ZBBX: variants seen among roughly 807,000 people sequenced by gnomAD.
The protein encoded by ZBBX is zinc finger B-box domain containing.
Under a neutral mutation model 108.5 loss-of-function variants are expected in ZBBX, and 101 were observed. The observed-to-expected ratio is 0.93, with a 90% CI of 0.79 to 1.10. The LOEUF (loss-of-function observed/expected upper bound fraction) is 1.10. Ranked by LOEUF, ZBBX falls within the 50% of genes least tolerant of loss-of-function variation. The probability of loss-of-function intolerance (pLI) is 0.00; values close to 1 mark genes in which losing one functional copy is unlikely to be tolerated. For missense variants in ZBBX, 1,009 were observed against 941.4 expected (o/e 1.07, Z -0.94); for synonymous variants, 356 against 323.4 (o/e 1.10, Z -1.08).
At chr3:167,314,267 C>T in intron 15 of ZBBX, 151 bp from the exon 16 acceptor site, 1 of 584,356 alleles carries the variant, frequency 1.7e-6, no homozygotes, top group Non-Finnish European at 2.7e-6. Context: ...CTTATGTGAA[C>T]ACATTCTCAA....
At chr3:167,388,232 C>T (rs775975735) in intron 1 of ZBBX, among the ~76,000 whole-genome samples, 27 of 151,690 alleles carry the variant, frequency 1.8e-4, no homozygotes, top group Non-Finnish European at 3.4e-4. Context: ...AGAGGAACAT[C>T]AATATCCTAG....
chr3:167,339,994 G>A (rs1278568051), intron 9 of ZBBX, among the ~76,000 whole-genome samples: 1 of 151,904 alleles, frequency 6.6e-6, no homozygotes, highest in African/African-American at 2.4e-5. Context: ...ACCGTGTTGT[G>A]GCAGCAACAC....
At chr3:167,363,760 GCAA>G (rs756649987) in intron 6 of ZBBX, among the ~76,000 whole-genome samples, 11 of 152,060 alleles carry the variant, frequency 7.2e-5, no homozygotes, top group Non-Finnish European at 1.2e-4. Context: ...CATGCTGGCT[GCAA>G]CAATAGTCTT....
At chr3:167,247,569 C>A (rs1057181340) in intron 20 of ZBBX, among the ~76,000 whole-genome samples, 1 of 152,196 alleles carries the variant, frequency 6.6e-6, no homozygotes, top group African/African-American at 2.4e-5. Context: ...CTGGTTAACA[C>A]AAGCCACCTA....
At chr3:167,266,088 G>A (rs145626786) in intron 20 of ZBBX, among the ~76,000 whole-genome samples, 37 of 152,274 alleles carry the variant, frequency 2.4e-4, no homozygotes, top group Non-Finnish European at 4.3e-4. Context: ...TTCCTGCCAC[G>A]GTGCTTTCCT....
upstream of ZBBX, among the ~76,000 whole-genome samples, chr3:167,382,734 C>G (rs1448819398): frequency 2.6e-5 from 4 of 151,868 alleles, no homozygotes; most frequent in Non-Finnish European, 1.5e-5. Context: ...ACATGATTTT[C>G]TAAAAAAAAG....
At chr3:167,201,499 G>A in the ZBBX span, among the ~76,000 whole-genome samples, 1 of 152,140 alleles carries the variant, frequency 6.6e-6, no homozygotes, top group African/African-American at 2.4e-5. Context: ...CCCCATTACT[G>A]ATGGTTTCCA....
At chr3:167,213,816 A>T in the ZBBX span, among the ~76,000 whole-genome samples, 14 of 152,296 alleles carry the variant, frequency 9.2e-5, no homozygotes, top group African/African-American at 3.1e-4. Flanking sequence ...GCTCCCTATC[A>T]GGCTAATAGC....
intron 1 of ZBBX, among the ~76,000 whole-genome samples, chr3:167,395,895 A>G (rs1054660852): frequency 6.6e-6 from 1 of 152,018 alleles, no homozygotes; most frequent in East Asian, 1.9e-4. Context: ...AAACTTCTGC[A>G]TGACATATAT....
the ZBBX span, among the ~76,000 whole-genome samples, chr3:167,196,703 A>G: frequency 1.3e-5 from 2 of 152,200 alleles, no homozygotes; most frequent in Admixed American, 1.3e-4. Context: ...TACTATTGAC[A>G]ATAGAAGCTT....
rs1027592206 is a variant in ZBBX at position 167,403,694 on chromosome 3, T to C, written c.-446+4032A>G. ...ATAATTTGATGAGTGTCCTCTATGATATGTGAGGTGGAGTATATTAATTCA... is the reference window on the plus strand; with the variant it reads ...ATAATTTGATGAGTGTCCTCTATGACATGTGAGGTGGAGTATATTAATTCA... On this transcript the variant is annotated intron_variant, in intron 1 of 21. Coordinates refer to the ZBBX transcript ENST00000455345. Among the ~76,000 whole-genome samples, 12 of 152,184 alleles carry C rather than the reference T, an allele frequency of 7.9e-5. No individual in the cohort carries two copies. In the South Asian group the frequency reaches 2.5e-3, roughly 32 times the overall value.
intron 20 of ZBBX, among the ~76,000 whole-genome samples, chr3:167,271,460 A>T (rs1467062526): frequency 6.6e-6 from 1 of 152,164 alleles, no homozygotes; most frequent in East Asian, 1.9e-4. Context: ...TCAGCCGTGG[A>T]AAAAGAAAAA....
chr3:167,213,327 T>C, the ZBBX span, among the ~76,000 whole-genome samples: 1 of 152,026 alleles, frequency 6.6e-6, no homozygotes, highest in African/African-American at 2.4e-5. Context: ...AAGGAGGAAA[T>C]AGCCTGTAGA....
At chr3:167,376,718 T>C (rs1480793792) in intron 2 of ZBBX, among the ~76,000 whole-genome samples, 1 of 152,188 alleles carries the variant, frequency 6.6e-6, no homozygotes, top group Non-Finnish European at 1.5e-5. Context: ...CAAGGGGGAT[T>C]TCACTTCACT....
intron 20 of ZBBX, among the ~76,000 whole-genome samples, chr3:167,275,805 T>C (rs1727460658): frequency 6.6e-6 from 1 of 152,168 alleles, no homozygotes; most frequent in African/African-American, 2.4e-5. Context: ...CCTGCCTCTG[T>C]AGGCTCCACC....
chr3:167,257,760 G>C (rs186187516), intron 20 of ZBBX, among the ~76,000 whole-genome samples: 1 of 152,168 alleles, frequency 6.6e-6, no homozygotes, highest in Non-Finnish European at 1.5e-5. Flanking sequence ...TAGCGATATT[G>C]AGCATTTTTT....
intron 1 of ZBBX, among the ~76,000 whole-genome samples, chr3:167,391,791 CTT>C (rs1050952456): frequency 1.3e-5 from 2 of 151,666 alleles, no homozygotes; most frequent in Admixed American, 6.6e-5. Context: ...ATTTCAATGA[CTT>C]TGACAAATAT....
chr3:167,309,093 C>T (rs1219081096), intron 16 of ZBBX, among the ~76,000 whole-genome samples: 1 of 152,162 alleles, frequency 6.6e-6, no homozygotes. Flanking sequence ...AGTAACTCAT[C>T]TTTTAATTTG....
At chr3:167,242,427 T>A in intron 21 of ZBBX, 78 bp downstream of exon 21, 1 of 1,203,402 alleles carries the variant, frequency 8.3e-7, no homozygotes, top group Non-Finnish European at 1.1e-6. Context: ...TTTCTATATA[T>A]AATAAAGATA....
Sources: allele counts gnomAD v4.1 joint callset (sites outside exome capture counted in the v4.1 genomes callset), GRCh38; gene constraint gnomAD v4.1.1; transcripts MANE v1.5; gene names NCBI Gene and HGNC (gene_info 2026-07-23, HGNC 2026-07-21).